RAPGEF6: variants seen among roughly 807,000 people sequenced by gnomAD.
RAPGEF6 encodes the protein Rap guanine nucleotide exchange factor 6.
In RAPGEF6, 56 loss-of-function variants were observed where a neutral mutation model predicts 171.4. The observed-to-expected ratio is 0.33, with a 90% CI of 0.26 to 0.41. The LOEUF is 0.41. Among genes scored for constraint, RAPGEF6 ranks in the 10% least tolerant of loss-of-function variants. The probability of loss-of-function intolerance (pLI) is 1.00; values close to 1 mark genes in which losing one functional copy is unlikely to be tolerated. For synonymous variants in RAPGEF6, 692 were observed against 650.1 expected (o/e 1.06, Z -0.98); for missense variants, 1,674 against 1,921.4 (o/e 0.87, Z 2.41).
At chr5:131,508,600 C>A (rs934632726) in intron 8 of RAPGEF6, among the ~76,000 whole-genome samples, 2 of 152,196 alleles carry the variant, frequency 1.3e-5, no homozygotes, top group Admixed American at 1.3e-4. Context: ...TTAAAAATGC[C>A]ATTAATAAAA....
chr5:131,543,795 T>C (rs1022405066), intron 6 of RAPGEF6, among the ~76,000 whole-genome samples: 23 of 152,202 alleles, frequency 1.5e-4, no homozygotes, highest in African/African-American at 2.4e-5. Context: ...CTTGATCACC[T>C]TTCTGCTATC....
At chr5:131,622,004 C>A (rs2150034735) in intron 1 of RAPGEF6, among the ~76,000 whole-genome samples, 1 of 152,284 alleles carries the variant, frequency 6.6e-6, no homozygotes, top group East Asian at 1.9e-4. Context: ...GAAGAACTAT[C>A]TTTAATCTTT....
At chr5:131,625,042 T>C (rs893791163) in intron 1 of RAPGEF6, among the ~76,000 whole-genome samples, 4 of 151,998 alleles carry the variant, frequency 2.6e-5, no homozygotes, top group African/African-American at 9.7e-5. Flanking sequence ...GGCGGGCAGA[T>C]CATGAGGTCA....
chr5:131,577,751 C>T lies in RAPGEF6; in HGVS notation c.281+14632G>A, dbSNP rs1762691240. On this transcript the variant is annotated intron_variant, in intron 4 of 27. Transcript: ENST00000509018. ...CTGGAATAAAGCTGTGTCCATTGGA[C>T]AGCCAGCCTGATCCCTCCTCTTCCT... is the stretch of plus-strand genomic sequence containing the variant. Among the ~76,000 whole-genome samples the T allele has an allele frequency of 2.6e-5, 4 of 152,336 alleles. No homozygotes were observed. In the South Asian group the frequency reaches 8.3e-4, roughly 32 times the overall value.
chr5:131,564,260 C>A (rs886725239), intron 4 of RAPGEF6, among the ~76,000 whole-genome samples: 1 of 152,098 alleles, frequency 6.6e-6, no homozygotes, highest in African/African-American at 2.4e-5. Context: ...ACATTGTGCA[C>A]AAGAGTATGC....
At chr5:131,477,303 A>T (rs1362467858) in intron 16 of RAPGEF6, among the ~76,000 whole-genome samples, 4 of 152,224 alleles carry the variant, frequency 2.6e-5, no homozygotes, top group African/African-American at 9.6e-5. Context: ...TGAAATAATT[A>T]GCATTTTACT....
chr5:131,569,801 G>A (rs1762164959), intron 4 of RAPGEF6, among the ~76,000 whole-genome samples: 1 of 152,140 alleles, frequency 6.6e-6, no homozygotes, highest in African/African-American at 2.4e-5. Flanking sequence ...AGCACTTTGG[G>A]AGGCTGAGGT....
chr5:131,555,480 A>G (rs1761176121), intron 5 of RAPGEF6, among the ~76,000 whole-genome samples: 1 of 152,112 alleles, frequency 6.6e-6, no homozygotes, highest in Non-Finnish European at 1.5e-5. Context: ...TTTTCTTAAC[A>G]TCTTTAATTT....
At chr5:131,451,296 C>T (rs1027982696) in intron 21 of RAPGEF6, among the ~76,000 whole-genome samples, 5 of 151,954 alleles carry the variant, frequency 3.3e-5, no homozygotes, top group Non-Finnish European at 5.9e-5. Flanking sequence ...AAAACAAAGA[C>T]ACCTAGGCCG....
intron 6 of RAPGEF6, among the ~76,000 whole-genome samples, chr5:131,530,489 C>A (rs1377361337): frequency 1.3e-5 from 2 of 151,834 alleles, no homozygotes; most frequent in Non-Finnish European, 2.9e-5. Context: ...AATACATGAA[C>A]AAAAATAAAA....
At chr5:131,517,462 A>G (rs953290183) in intron 7 of RAPGEF6, among the ~76,000 whole-genome samples, 5 of 150,310 alleles carry the variant, frequency 3.3e-5, no homozygotes, top group Non-Finnish European at 5.9e-5. Context: ...TGCTGTTAGG[A>G]TATCTTCCCC....
rs780584929 is a variant in RAPGEF6 at position 131,495,679 on chromosome 5, G to GGCA, written c.1420-22_1420-20dup. 3 of 1,602,386 alleles carry GGCA rather than the reference G, an allele frequency of 1.9e-6. No individual in the cohort carries two copies. The highest frequency in any genetic ancestry group is 1.7e-6 in the Non-Finnish European group (2 of 1,173,360). The stretch of plus-strand genomic sequence containing the variant: ...GTGTCACCTGTGGAAACATAAAAGA[G>GGCA]GCAGCATATGGTTATAAGAGGCATT... On this transcript the variant is annotated intron_variant, in intron 12 of 27. Transcript: ENST00000509018.
intron 1 of RAPGEF6, 41 bp from the exon 2 acceptor site, chr5:131,604,734 T>C: frequency 3.8e-6 from 6 of 1,565,382 alleles, no homozygotes; most frequent in Non-Finnish European, 4.3e-6. Context: ...TTTTCAAATA[T>C]GCTGTTTAAA....
At chr5:131,552,482 T>A (rs896192674) in intron 5 of RAPGEF6, among the ~76,000 whole-genome samples, 1 of 149,874 alleles carries the variant, frequency 6.7e-6, no homozygotes, top group African/African-American at 2.5e-5. Context: ...TTTTTTGAGA[T>A]GGCGTTTTTC....
At chr5:131,478,585 C>G (rs2149855205) in intron 16 of RAPGEF6, among the ~76,000 whole-genome samples, 1 of 152,314 alleles carries the variant, frequency 6.6e-6, no homozygotes, top group African/African-American at 2.4e-5. Context: ...CTCCACTTAT[C>G]AACCTGTAAC....
In RAPGEF6 at chr5:131,427,280, C is replaced by G. The variant is rs1751435025; in HGVS notation, c.4792G>C (p.Val1598Leu). 2 of 1,609,192 alleles carry G rather than the reference C, an allele frequency of 1.2e-6. No individual in the cohort carries two copies. Among genetic ancestry groups the G allele is most frequent in the Non-Finnish European group, 1.7e-6 (2 of 1,175,728 alleles). ...TCATCCAAAGGCTAGACTGCTGAAA[C>G]TTGTTCATTTTCTGAAAATAAAAAA... Reference protein sequence around the residue: ...ADSEADENEQVSAV With the variant: ...ADSEADENEQLSAV The change falls in exon 28 of 28, where the codon GTT becomes CTT. Residue 1598 changes from valine to leucine, a missense_variant. Around this residue, in one of 3 missense-constraint regions of RAPGEF6, gnomAD observed 552 missense variants for 574.2 expected, o/e 0.96. Transcript: ENST00000509018.
chr5:131,595,114 T>TC (rs1257907458), intron 3 of RAPGEF6, among the ~76,000 whole-genome samples: 2 of 152,236 alleles, frequency 1.3e-5, no homozygotes, highest in African/African-American at 4.8e-5. Context: ...TGGCTCTATG[T>TC]CCCCACTCAA....
At chr5:131,634,816 C>G (rs566399013) in intron 1 of RAPGEF6, 146 bp downstream of exon 1, 2 of 960,900 alleles carry the variant, frequency 2.1e-6, no homozygotes, top group Middle Eastern at 4.6e-4. Context: ...CGACAAGGGC[C>G]TGGGTCAGGG....
At chr5:131,452,818 CA>C (rs1251247859) in intron 21 of RAPGEF6, among the ~76,000 whole-genome samples, 5 of 151,954 alleles carry the variant, frequency 3.3e-5, no homozygotes, top group Non-Finnish European at 2.9e-5. Context: ...CAAATATTTG[CA>C]AATTATGTAA....
Sources: allele counts gnomAD v4.1 joint callset (sites outside exome capture counted in the v4.1 genomes callset), GRCh38; gene constraint gnomAD v4.1.1; regional missense constraint gnomAD v4.1.1; transcripts MANE v1.5; gene names NCBI Gene and HGNC (gene_info 2026-07-23, HGNC 2026-07-21).